Variants in ADGRL2 observed in about 807,000 individuals in gnomAD.
ADGRL2 encodes the protein adhesion G protein-coupled receptor L2.
Under a neutral mutation model 157.4 loss-of-function variants are expected in ADGRL2, and 44 were observed. The ratio of observed to expected loss-of-function variants is 0.28; its 90% CI spans 0.22 to 0.36. The LOEUF is 0.36. Among genes scored for constraint, ADGRL2 ranks in the 10% least tolerant of loss-of-function variants. The pLI is 1.00. For missense variants in ADGRL2, 1,510 were observed against 1,768.9 expected, an observed-to-expected ratio of 0.85 and a Z score of 2.63; for synonymous variants, 585 against 624.7, an observed-to-expected ratio of 0.94 and a Z score of 0.95.
intron 2 of ADGRL2, among the ~76,000 whole-genome samples, chr1:81,492,052 T>A (rs552995188): frequency 6.6e-6 from 1 of 152,176 alleles, no homozygotes; most frequent in Non-Finnish European, 1.5e-5. Flanking sequence ...GCATTTTACA[T>A]GAAAGGAAGA....
chr1:81,651,177 TG>T (rs1160730692), intron 3 of ADGRL2, among the ~76,000 whole-genome samples: 2 of 152,198 alleles, frequency 1.3e-5, no homozygotes, highest in African/African-American at 4.8e-5. Flanking sequence ...CAAAATAGCT[TG>T]GAAATTGTTG....
intron 1 of ADGRL2, among the ~76,000 whole-genome samples, chr1:81,380,328 A>G (rs1411461921): frequency 6.6e-6 from 1 of 152,220 alleles, no homozygotes; most frequent in Non-Finnish European, 1.5e-5. Context: ...CACCTTATTA[A>G]ACGTAGAATG....
rs115185047 is a variant in ADGRL2 at position 81,430,641 on chromosome 1, T to C, written c.-301-14395T>C. Among the ~76,000 whole-genome samples, 943 of 152,314 alleles carry C rather than the reference T, an allele frequency of 6.2e-3. 11 individuals are homozygous for C. Among genetic ancestry groups the C allele is most frequent in the African/African-American group, 0.021 (879 of 41,576 alleles). On this transcript the variant is annotated intron_variant, in intron 1 of 24. Transcript: ENST00000370721. ...GCCCCCCACTGATGTTAACATGTCCTTTCTTTTAAGAAATGATGTAAGATT... is the reference window on the plus strand; with the variant it reads ...GCCCCCCACTGATGTTAACATGTCCCTTCTTTTAAGAAATGATGTAAGATT...
intron 1 of ADGRL2, among the ~76,000 whole-genome samples, chr1:81,324,087 T>G (rs572836013): frequency 6.6e-6 from 1 of 152,264 alleles, no homozygotes; most frequent in South Asian, 2.1e-4. Flanking sequence ...GCTAATGTAT[T>G]GGAAGGAGGC....
At chr1:81,432,245 C>T (rs910089568) in intron 1 of ADGRL2, among the ~76,000 whole-genome samples, 1 of 152,200 alleles carries the variant, frequency 6.6e-6, no homozygotes, top group Non-Finnish European at 1.5e-5. Flanking sequence ...AAGGCAGCAT[C>T]GCTTTTCTGA....
At chr1:81,760,691 G>A (rs2085849040) in intron 1 of ADGRL2, among the ~76,000 whole-genome samples, 1 of 149,546 alleles carries the variant, frequency 6.7e-6, no homozygotes, top group Non-Finnish European at 1.5e-5. Context: ...AGAACGTGCT[G>A]CCCTCTTCAG....
intron 3 of ADGRL2, among the ~76,000 whole-genome samples, chr1:81,612,491 GAATAA>G (rs1364172421): frequency 2.2e-4 from 33 of 152,272 alleles, no homozygotes; most frequent in Middle Eastern, 6.8e-3. Context: ...TATTCTATGA[GAATAA>G]ACTTTAAAGA....
intron 2 of ADGRL2, among the ~76,000 whole-genome samples, chr1:81,504,528 A>G (rs969604468): frequency 6.6e-6 from 1 of 152,128 alleles, no homozygotes; most frequent in Non-Finnish European, 1.5e-5. Context: ...TGTACACCAA[A>G]GAAATGAAAA....
At chr1:81,946,819 C>T (rs1042676640) in intron 6 of ADGRL2, among the ~76,000 whole-genome samples, 17 of 152,082 alleles carry the variant, frequency 1.1e-4, no homozygotes, top group African/African-American at 4.1e-4. Context: ...TTTGCTTTAC[C>T]AAGCTACAGA....
At chr1:81,907,304 AG>A (rs1572048009) in intron 3 of ADGRL2, 74 bp downstream of exon 3, 10 of 1,288,296 alleles carry the variant, frequency 7.8e-6, no homozygotes, top group Non-Finnish European at 1.1e-5. Flanking sequence ...GTTATTCCAA[AG>A]CGAATGGATA....
chr1:81,413,788 C>A (rs998892124), intron 1 of ADGRL2, among the ~76,000 whole-genome samples: 2 of 152,142 alleles, frequency 1.3e-5, no homozygotes, highest in African/African-American at 2.4e-5. Context: ...AATTGTTTTT[C>A]ACAGTGGTAT....
chr1:81,710,479 G>A (rs1024253673), intron 1 of ADGRL2, among the ~76,000 whole-genome samples: 1 of 151,446 alleles, frequency 6.6e-6, no homozygotes, highest in Non-Finnish European at 1.5e-5. Flanking sequence ...AATCAGCTAG[G>A]TATGGTGGCA....
intron 2 of ADGRL2, among the ~76,000 whole-genome samples, chr1:81,544,522 G>T (rs1170774119): frequency 6.6e-6 from 1 of 152,138 alleles, no homozygotes; most frequent in Non-Finnish European, 1.5e-5. Context: ...AAAAGAAGAA[G>T]CCTAATGTCA....
chr1:81,396,113 T>C (rs2076650816), intron 1 of ADGRL2, among the ~76,000 whole-genome samples: 1 of 152,180 alleles, frequency 6.6e-6, no homozygotes, highest in Non-Finnish European at 1.5e-5. Context: ...TGGTCATTTT[T>C]ACAATGTTAA....
chr1:81,895,048 T>C (rs906129130), intron 2 of ADGRL2, among the ~76,000 whole-genome samples: 5 of 152,218 alleles, frequency 3.3e-5, no homozygotes, highest in African/African-American at 1.2e-4. Flanking sequence ...AAATACCTCA[T>C]AAGAATATAT....
chr1:81,636,976 T>C (rs1407841685), intron 3 of ADGRL2, among the ~76,000 whole-genome samples: 1 of 152,090 alleles, frequency 6.6e-6, no homozygotes, highest in Non-Finnish European at 1.5e-5. Flanking sequence ...GCTGGGATTA[T>C]AGGCACATGC....
At chr1:81,579,974 T>C (rs554472968) in intron 2 of ADGRL2, among the ~76,000 whole-genome samples, 19 of 152,280 alleles carry the variant, frequency 1.2e-4, no homozygotes, top group African/African-American at 4.3e-4. Flanking sequence ...GGAAAGAATA[T>C]AATAAAACTA....
At chr1:81,414,942 C>T (rs1337569408) in intron 1 of ADGRL2, among the ~76,000 whole-genome samples, 1 of 152,120 alleles carries the variant, frequency 6.6e-6, no homozygotes, top group African/African-American at 2.4e-5. Flanking sequence ...GATCATCTTC[C>T]GTTTCCCATC....
At chr1:81,353,732 G>A (rs12411197) in intron 1 of ADGRL2, among the ~76,000 whole-genome samples, 28,402 of 152,060 alleles carry the variant, frequency 0.19, 2,951 homozygotes, top group Admixed American at 0.28. Context: ...AGGGAGAAAA[G>A]GGTGAGTATG....
Sources: allele counts gnomAD v4.1 joint callset (sites outside exome capture counted in the v4.1 genomes callset), GRCh38; gene constraint gnomAD v4.1.1; transcripts MANE v1.5; gene names NCBI Gene and HGNC (gene_info 2026-07-23, HGNC 2026-07-21).